SEMA5A: variants seen among roughly 807,000 people sequenced by gnomAD.
SEMA5A encodes semaphorin-5A.
In SEMA5A, 55 loss-of-function variants were observed where a neutral mutation model predicts 135.5. The observed-to-expected ratio is 0.41, with a 90% CI of 0.33 to 0.51. The LOEUF is 0.51. SEMA5A is among the 20% of genes least tolerant of loss of function. The pLI is 0.37. For missense variants in SEMA5A, 1,290 were observed against 1,419.9 expected (o/e 0.91, Z 1.47); for synonymous variants, 580 against 546.5 (o/e 1.06, Z -0.85).
At chr5:9,051,754 C>T (rs1736589037) in intron 20 of SEMA5A, 119 bp downstream of exon 20, 1 of 1,243,502 alleles carries the variant, frequency 8.0e-7, no homozygotes, top group African/African-American at 1.5e-5. Flanking sequence ...AACCATGGGG[C>T]TTGATGGAAT....
chr5:9,074,902 C>A (rs940185215), intron 16 of SEMA5A, among the ~76,000 whole-genome samples: 6 of 152,142 alleles, frequency 3.9e-5, no homozygotes, highest in Admixed American at 2.0e-4. Context: ...CAAATAAACA[C>A]CTGGTGCATG....
At position 9,037,341 on chromosome 5, in the gene SEMA5A, G is replaced by A. The variant is rs527555814; in HGVS notation, c.*5556C>T. 6.6e-6 allele frequency: 1 copy of A among 152,182 alleles called. No individual in the cohort carries two copies. The highest frequency in any genetic ancestry group is 2.4e-5 in the African/African-American group (1 of 41,452). The allele number at this position is 152,182 out of a possible 1,614,324, so 9.4% of individuals were successfully genotyped here. On this transcript the variant is annotated 3_prime_UTR_variant, in exon 23 of 23. Coordinates refer to ENST00000382496, the MANE Select transcript of SEMA5A (RefSeq NM_003966.3). ...TGATCCATCAAAAAGGCTGTGTTTT[G>A]AGACAGCTTTCACTAGGAAGTATAC...
intron 5 of SEMA5A, among the ~76,000 whole-genome samples, chr5:9,309,312 C>G (rs1006960391): frequency 6.6e-6 from 1 of 152,028 alleles, no homozygotes. Flanking sequence ...GAGGGTAGAA[C>G]AGGGAACAGT....
At chr5:9,450,320 T>A (rs1758595000) in intron 1 of SEMA5A, among the ~76,000 whole-genome samples, 1 of 152,236 alleles carries the variant, frequency 6.6e-6, no homozygotes, top group African/African-American at 2.4e-5. Flanking sequence ...TTTGTAAATG[T>A]CATGCTTATA....
chr5:9,519,647 A>ATGCATGAG (rs1736709908), intron 1 of SEMA5A, among the ~76,000 whole-genome samples: 1 of 152,188 alleles, frequency 6.6e-6, no homozygotes, highest in Non-Finnish European at 1.5e-5. Flanking sequence ...TCCCATCACC[A>ATGCATGAG]TGCATGTGCT....
chr5:9,414,576 A>G (rs1304578148), intron 2 of SEMA5A, among the ~76,000 whole-genome samples: 2 of 152,244 alleles, frequency 1.3e-5, no homozygotes, highest in Admixed American at 6.5e-5. Flanking sequence ...ATATGAAAAC[A>G]TTGGCAATGA....
chr5:9,194,418 C>G (rs1745280481), intron 10 of SEMA5A, among the ~76,000 whole-genome samples: 1 of 152,120 alleles, frequency 6.6e-6, no homozygotes, highest in Non-Finnish European at 1.5e-5. Context: ...GCACAAAATC[C>G]TAAATGTCAG....
At chr5:9,307,915 GC>G (rs35945074) in intron 5 of SEMA5A, among the ~76,000 whole-genome samples, 103,321 of 151,950 alleles carry the variant, frequency 0.68, 38,163 homozygotes, top group Non-Finnish European at 0.83. Context: ...ATATATTCAT[GC>G]ATCTTCAATT....
intron 5 of SEMA5A, among the ~76,000 whole-genome samples, chr5:9,285,723 A>T (rs1158012304): frequency 6.6e-6 from 1 of 152,210 alleles, no homozygotes; most frequent in African/African-American, 2.4e-5. Flanking sequence ...TCTCAGGAGC[A>T]TAGGATGGAG....
At chr5:9,522,519 G>T (rs1736894177) in intron 1 of SEMA5A, among the ~76,000 whole-genome samples, 1 of 152,162 alleles carries the variant, frequency 6.6e-6, no homozygotes, top group Admixed American at 6.5e-5. Flanking sequence ...AGAGGTTGTG[G>T]TGAGCCGAGA....
chr5:9,036,596 A>G lies in SEMA5A; in HGVS notation c.*6301T>C, dbSNP rs1735665559. 6.6e-6 allele frequency: 1 copy of G among 152,392 alleles called. No homozygotes were observed. The highest frequency in any genetic ancestry group is 2.4e-5 in the African/African-American group (1 of 41,448). The allele number at this position is 152,392 out of a possible 1,614,324, so 9.4% of individuals were successfully genotyped here. The stretch of plus-strand genomic sequence containing the variant: ...AAATTAAAGTGATGTTAGTTTCTAG[A>G]AGGCTAATACTGAAGTCACCTCTCT... On this transcript the variant is annotated 3_prime_UTR_variant, in exon 23 of 23. Coordinates refer to ENST00000382496, the MANE Select transcript of SEMA5A (RefSeq NM_003966.3).
At chr5:9,177,450 TC>T (rs1744266533) in intron 11 of SEMA5A, among the ~76,000 whole-genome samples, 1 of 152,212 alleles carries the variant, frequency 6.6e-6, no homozygotes, top group African/African-American at 2.4e-5. Context: ...CAGGTTGTGT[TC>T]CTGACATAGC....
chr5:9,271,060 G>T (rs1349700731), intron 5 of SEMA5A, among the ~76,000 whole-genome samples: 3 of 152,096 alleles, frequency 2.0e-5, no homozygotes, highest in Non-Finnish European at 4.4e-5. Flanking sequence ...CCACATATCG[G>T]GGAGGGGCCT....
chr5:9,442,428 C>T (rs906754931), intron 1 of SEMA5A, among the ~76,000 whole-genome samples: 6 of 152,212 alleles, frequency 3.9e-5, no homozygotes, highest in African/African-American at 1.4e-4. Flanking sequence ...ACTAGCCTCT[C>T]CTGGACTCCA....
intron 5 of SEMA5A, among the ~76,000 whole-genome samples, chr5:9,256,397 T>G (rs998567716): frequency 6.6e-6 from 1 of 152,128 alleles, no homozygotes; most frequent in Non-Finnish European, 1.5e-5. Flanking sequence ...CACTGTTCCC[T>G]CTTCCAAACC....
At position 9,124,535 on chromosome 5, in the gene SEMA5A, C is replaced by T. The variant is rs113439528; in HGVS notation, c.1600-1698G>A. On this transcript the variant is annotated intron_variant, in intron 13 of 22. Coordinates refer to ENST00000382496, the MANE Select transcript of SEMA5A (RefSeq NM_003966.3). Reference sequence around the variant, plus strand: ...GCAGTGGTGTGATCTTGGCTCACTGCAACCTCCACCTCCCAGGTTCAAACG... The same window carrying T: ...GCAGTGGTGTGATCTTGGCTCACTGTAACCTCCACCTCCCAGGTTCAAACG... 1.8e-3 allele frequency among the ~76,000 whole-genome samples: 279 copies of T among 152,272 alleles called. 1 individual carries two copies. Among genetic ancestry groups the T allele is most frequent in the African/African-American group, 6.4e-3 (264 of 41,558 alleles).
At chr5:9,349,091 G>A (rs1459838416) in intron 3 of SEMA5A, among the ~76,000 whole-genome samples, 1 of 152,254 alleles carries the variant, frequency 6.6e-6, no homozygotes, top group African/African-American at 2.4e-5. Flanking sequence ...GAAGAAGAAA[G>A]CTGTGGAACT....
intron 8 of SEMA5A, among the ~76,000 whole-genome samples, chr5:9,206,941 T>C (rs1746052986): frequency 6.7e-6 from 1 of 148,674 alleles, no homozygotes; most frequent in African/African-American, 2.5e-5. Flanking sequence ...GCTATTATTA[T>C]TTTGGCATCG....
In SEMA5A at chr5:9,349,206, C is replaced by T. The variant is rs3777338; in HGVS notation, c.125-11394G>A. 7.2e-4 allele frequency among the ~76,000 whole-genome samples: 109 copies of T among 152,286 alleles called. 3 individuals carry two copies. In the East Asian group the frequency reaches 0.019, roughly 26 times the overall value. On this transcript the variant is annotated intron_variant, in intron 3 of 22. Transcript: ENST00000382496. ...CGAAGTACAGATTCTATCTACACAT[C>T]GGAACTAGAACATATTTGCCAAGTC...
Sources: allele counts gnomAD v4.1 joint callset (sites outside exome capture counted in the v4.1 genomes callset), GRCh38; gene constraint gnomAD v4.1.1; transcripts MANE v1.5; gene names NCBI Gene and HGNC (gene_info 2026-07-23, HGNC 2026-07-21).